GCLM: variants seen among roughly 807,000 people sequenced by gnomAD.
The protein encoded by GCLM is glutamate--cysteine ligase regulatory subunit.
A neutral mutation model predicts 36.0 loss-of-function variants in GCLM; 15 were observed. The observed-to-expected ratio is 0.42, with a 90% CI of 0.28 to 0.64. The LOEUF (loss-of-function observed/expected upper bound fraction) is 0.64, where lower values mean the gene tolerates loss of function less well. Among genes scored for constraint, GCLM ranks in the 30% least tolerant of loss-of-function variants. The probability of loss-of-function intolerance (pLI) is 0.25; values close to 1 mark genes in which losing one functional copy is unlikely to be tolerated. For missense variants in GCLM, 242 were observed against 325.5 expected (o/e 0.74, Z 1.97); for synonymous variants, 129 against 122.8 (o/e 1.05, Z -0.34).
chr1:93,900,858 T>G (rs1656921647), intron 3 of GCLM, among the ~76,000 whole-genome samples: 1 of 152,138 alleles, frequency 6.6e-6, no homozygotes, highest in South Asian at 2.1e-4. Flanking sequence ...GCTAAGTGCT[T>G]CTTTTGTTAT....
Position 93,901,614 on chromosome 1 carries a change from G to C in GCLM, c.248C>G (p.Pro83Arg), listed in dbSNP as rs775509179. The C allele has an allele frequency of 7.6e-6, 12 of 1,580,130 alleles. No individual in the cohort carries two copies. The highest frequency in any genetic ancestry group is 7.8e-6 in the Non-Finnish European group (9 of 1,150,846). Reference protein sequence around the residue: ...TVSHAVEKINPDEREEMKVSA... With the variant: ...TVSHAVEKINRDEREEMKVSA... Reference sequence around the variant, plus strand: ...AACTTTCATTTCTTCTCTTTCATCAGGATTTATCTTTTCTACTGCATGAGA... The same window carrying C: ...AACTTTCATTTCTTCTCTTTCATCACGATTTATCTTTTCTACTGCATGAGA... Residue 83 changes from proline to arginine, a missense_variant, in exon 3 of 7, where the codon CCT becomes CGT. Coordinates refer to ENST00000370238, the MANE Select transcript of GCLM (RefSeq NM_002061.4).
Position 93,888,922 on chromosome 1 carries a change from G to A in GCLM, c.*68C>T. ...TGACACCATTTACAGGCAGTAACTA[G>A]ATTTTTACACATCTCAATTTTCTCT... On this transcript the variant is annotated 3_prime_UTR_variant, in exon 7 of 7. Transcript: ENST00000370238. 2.7e-6 allele frequency: 3 copies of A among 1,105,198 alleles called. No homozygotes were observed. The East Asian group carries it at 7.9e-5, about 29-fold the overall frequency. The allele number at this position is 1,105,198 out of a possible 1,614,324, so 68.5% of individuals were successfully genotyped here.
chr1:93,900,631 T>G (rs893752016), intron 3 of GCLM, among the ~76,000 whole-genome samples: 1 of 152,126 alleles, frequency 6.6e-6, no homozygotes, highest in African/African-American at 2.4e-5. Context: ...TGAGAAAATA[T>G]AACCATAAAG....
Position 93,901,659 on chromosome 1 carries a change from T to A in GCLM, c.203A>T (p.Asp68Val). The change falls in exon 3 of 7, where the codon GAT becomes GTT. Residue 68 changes from aspartate to valine, a missense_variant. By Grantham distance (152) the Asp-to-Val change is radical. Coordinates refer to ENST00000370238, the MANE Select transcript of GCLM (RefSeq NM_002061.4). Reference protein sequence around the residue: ...INPDLVREFPDVLECTVSHAV... With the variant: ...INPDLVREFPVVLECTVSHAV... ...ATGAGATACAGTGCATTCCAAGACA[T>A]CTGGAAACTCCTATAATAAACACAA... The A allele has an allele frequency of 6.7e-7, 1 of 1,488,778 alleles. No homozygotes were observed. Among genetic ancestry groups the A allele is most frequent in the Non-Finnish European group, 9.3e-7 (1 of 1,071,176 alleles). The allele number at this position is 1,488,778 out of a possible 1,614,324, so 92.2% of individuals were successfully genotyped here.
intron 4 of GCLM, 65 bp downstream of exon 4, chr1:93,897,774 A>C: frequency 3.8e-6 from 3 of 796,150 alleles, no homozygotes; most frequent in Non-Finnish European, 6.0e-6. Context: ...AGCACAAGTT[A>C]TAACTAATAC....
intron 1 of GCLM, among the ~76,000 whole-genome samples, chr1:93,907,070 T>A (rs12410324): frequency 0.022 from 3,318 of 152,366 alleles, 117 homozygotes; most frequent in Admixed American, 0.097. Flanking sequence ...AAATAAGTGA[T>A]TTGTTCAGTT....
In GCLM at chr1:93,888,348, T is replaced by G. The variant is rs577548531; in HGVS notation, c.*642A>C. On this transcript the variant is annotated 3_prime_UTR_variant, in exon 7 of 7. Coordinates refer to ENST00000370238, the MANE Select transcript of GCLM (RefSeq NM_002061.4). ...CTCCTTTCAGATTTACTTTGGTTTGTCTTTATAAGTAATAAAAAGACAGAA... is the reference window on the plus strand; with the variant it reads ...CTCCTTTCAGATTTACTTTGGTTTGGCTTTATAAGTAATAAAAAGACAGAA... The G allele has an allele frequency of 6.6e-6, 1 of 152,194 alleles. No homozygotes were observed. The highest frequency in any genetic ancestry group is 1.5e-5 in the Non-Finnish European group (1 of 68,020). 9.4% of individuals were successfully genotyped at this position (152,194 alleles called of 1,614,324 possible).
rs1453427661 is a variant in GCLM at position 93,886,333 on chromosome 1, T to G, written c.*2657A>C. ...AAACTATTGATAACTTAGCTTTCAG[T>G]TTTAAGTAATTATTTGGTAGTATTA... On this transcript the variant is annotated 3_prime_UTR_variant, in exon 7 of 7. Coordinates refer to ENST00000370238, the MANE Select transcript of GCLM (RefSeq NM_002061.4). 1 of 152,154 alleles carries G rather than the reference T, an allele frequency of 6.6e-6. No individual in the cohort carries two copies. Among genetic ancestry groups the G allele is most frequent in the Non-Finnish European group, 1.5e-5 (1 of 67,988 alleles). 9.4% of individuals were successfully genotyped at this position (152,154 alleles called of 1,614,324 possible). A position where few individuals can be genotyped will look rare whatever the true frequency, so the allele number is the denominator to read the frequency against.
rs977233095 is a variant in GCLM at position 93,909,343 on chromosome 1, G to T, written c.-180C>A. 12 of 1,025,356 alleles carry T rather than the reference G, an allele frequency of 1.2e-5. No individual in the cohort carries two copies. In the Admixed American group the frequency reaches 6.2e-4, roughly 53 times the overall value. The allele number at this position is 1,025,356 out of a possible 1,614,324, so 63.5% of individuals were successfully genotyped here. On this transcript the variant is annotated 5_prime_UTR_variant, in exon 1 of 7. Transcript: ENST00000370238. ...CGGGCCCGAGGGAGGCCGGACGGCG[G>T]CTGGGCGGCGGCGGGAAAGGAAGGC...
chr1:93,888,877 CGAAA>C lies in GCLM; in HGVS notation c.*109_*112del. ...ACAGACAACATACTGTCAAATATGA[CGAAA>C]GAATATCTGCCTCAATGACACCATT... On this transcript the variant is annotated 3_prime_UTR_variant, in exon 7 of 7. Transcript: ENST00000370238. 1 of 662,908 alleles carries C rather than the reference CGAAA, an allele frequency of 1.5e-6. No homozygotes were observed. The highest frequency in any genetic ancestry group is 2.6e-5 in the South Asian group (1 of 39,026). The allele number at this position is 662,908 out of a possible 1,614,324, so 41.1% of individuals were successfully genotyped here. A position where few individuals can be genotyped will look rare whatever the true frequency, so the allele number is the denominator to read the frequency against.
At position 93,897,530 on chromosome 1, in the gene GCLM, T is replaced by C. The variant is rs112207186; in HGVS notation, c.337+309A>G. Among the ~76,000 whole-genome samples, 1,205 of 151,906 alleles carry C rather than the reference T, an allele frequency of 7.9e-3. 16 individuals are homozygous for C. The highest frequency in any genetic ancestry group is 0.017 in the Middle Eastern group (5 of 292). ...GATTTTTTTTGGATTTTTTTTTTTT[T>C]GCCGTTGTTTGGTTTTGATATTTCA... On this transcript the variant is annotated intron_variant, in intron 4 of 6. Transcript: ENST00000370238.
chr1:93,905,173 CAAA>C (rs921621833), intron 1 of GCLM, among the ~76,000 whole-genome samples: 1,607 of 68,308 alleles, frequency 0.024, 19 homozygotes, highest in African/African-American at 0.063. Context: ...ACTCTATTTC[CAAA>C]AAAAAAAAAA....
In GCLM at chr1:93,901,651, C is replaced by T; in HGVS notation, c.211G>A (p.Glu71Lys). Residue 71 changes from glutamate (E) to lysine (K), a missense_variant, in exon 3 of 7, where the codon GAA (glutamate) becomes AAA (lysine). Physicochemically the swap from Glu to Lys is moderately conservative, Grantham distance 56. Transcript: ENST00000370238. ...DLVREFPDVL[E>K]CTVSHAVEKI... ...TCTACTGCATGAGATACAGTGCATT[C>T]CAAGACATCTGGAAACTCCTATAAT... 6.5e-7 allele frequency: 1 copy of T among 1,548,960 alleles called. No individual in the cohort carries two copies. The highest frequency in any genetic ancestry group is 2.2e-5 in the East Asian group (1 of 44,452).
At chr1:93,895,002 C>G (rs1024424360) in intron 5 of GCLM, among the ~76,000 whole-genome samples, 6 of 139,740 alleles carry the variant, frequency 4.3e-5, no homozygotes, top group Non-Finnish European at 6.0e-5. Context: ...AAAAAGCCAA[C>G]AGTACTACAC....
At chr1:93,906,836 A>C (rs1202082085) in intron 1 of GCLM, among the ~76,000 whole-genome samples, 2 of 152,208 alleles carry the variant, frequency 1.3e-5, no homozygotes, top group African/African-American at 2.4e-5. Context: ...GAGTTGTATA[A>C]GAATTTTTTA....
chr1:93,894,570 C>T (rs1656655109), intron 6 of GCLM, 44 bp downstream of exon 6: 2 of 1,030,196 alleles, frequency 1.9e-6, no homozygotes, highest in Non-Finnish European at 3.0e-6. Flanking sequence ...TTTTGTAAGA[C>T]AAAAGCTTAT....
At chr1:93,904,703 T>C in intron 1 of GCLM, 115 bp from the exon 2 acceptor site, 1 of 699,298 alleles carries the variant, frequency 1.4e-6, no homozygotes, top group Non-Finnish European at 2.5e-6. Context: ...CAACAGGAAA[T>C]ACCATACAAA....
chr1:93,900,043 C>A (rs17886656), intron 3 of GCLM, among the ~76,000 whole-genome samples: 2 of 152,082 alleles, frequency 1.3e-5, no homozygotes, highest in African/African-American at 4.8e-5. Flanking sequence ...TTTTCTTCTA[C>A]GTTTCTTATA....
chr1:93,895,729 TGA>T (rs1178564861), intron 5 of GCLM, among the ~76,000 whole-genome samples: 1 of 152,138 alleles, frequency 6.6e-6, no homozygotes, highest in African/African-American at 2.4e-5. Flanking sequence ...AAAGAAATAC[TGA>T]GAGTAAAGGT....
Sources: gnomAD v4.1 joint callset for allele counts (sites outside exome capture counted in the v4.1 genomes callset) on GRCh38, gnomAD v4.1.1 for gene constraint, MANE v1.5 for transcripts, NCBI Gene and HGNC (gene_info 2026-07-23, HGNC 2026-07-21) for gene names.